Variants in TRAPPC9 observed in about 807,000 individuals in gnomAD.
TRAPPC9 encodes the protein trafficking protein particle complex subunit 9, also known as IKK2 binding protein.
TRAPPC9 carries 83 observed loss-of-function variants against 124.0 expected under a neutral mutation model. That is an observed-to-expected ratio of 0.67 (90% CI 0.56 to 0.80). TRAPPC9 has a LOEUF of 0.80. TRAPPC9 is among the 30% of genes least tolerant of loss of function. The pLI is 0.00. For synonymous variants in TRAPPC9, 638 were observed against 617.5 expected (o/e 1.03, Z -0.49); for missense variants, 1,302 against 1,508.3 (o/e 0.86, Z 2.27).
At chr8:139,843,613 G>A (rs1224261013) in intron 21 of TRAPPC9, among the ~76,000 whole-genome samples, 2 of 152,198 alleles carry the variant, frequency 1.3e-5, no homozygotes, top group Non-Finnish European at 2.9e-5. Context: ...AAAAGTGAAA[G>A]AGAGAGGTAG....
At chr8:140,096,447 T>C (rs1229672054) in intron 17 of TRAPPC9, 1 of 152,166 alleles carries the variant, frequency 6.6e-6, no homozygotes, top group East Asian at 1.9e-4. Context: ...TGGAACCCAG[T>C]TAGGAAATTA....
intron 17 of TRAPPC9, among the ~76,000 whole-genome samples, chr8:140,124,743 G>A (rs58600657): frequency 0.085 from 12,943 of 152,188 alleles, 1,463 homozygotes; most frequent in African/African-American, 0.26. Context: ...AATCACTCTC[G>A]AAGTCTGAAG....
chr8:140,016,593 T>C (rs373201332), intron 18 of TRAPPC9, among the ~76,000 whole-genome samples: 108 of 152,354 alleles, frequency 7.1e-4, no homozygotes, highest in African/African-American at 1.9e-3. Context: ...ATCGTAACTT[T>C]GTGCTGACCC....
intron 21 of TRAPPC9, among the ~76,000 whole-genome samples, chr8:139,823,561 C>A (rs1459937917): frequency 6.6e-6 from 1 of 152,186 alleles, no homozygotes; most frequent in African/African-American, 2.4e-5. Flanking sequence ...CCAGCAGATG[C>A]CCCTGTTTAT....
At chr8:140,111,185 T>C (rs1309621048) in intron 17 of TRAPPC9, among the ~76,000 whole-genome samples, 2 of 151,386 alleles carry the variant, frequency 1.3e-5, no homozygotes, top group Non-Finnish European at 2.9e-5. Flanking sequence ...GACTGATACA[T>C]CCATTAAAAG....
chr8:140,222,339 T>G (rs1429457452), intron 16 of TRAPPC9, among the ~76,000 whole-genome samples: 1 of 152,126 alleles, frequency 6.6e-6, no homozygotes, highest in Non-Finnish European at 1.5e-5. Flanking sequence ...GATTGACGGG[T>G]CTAACCCACG....
At chr8:140,338,138 AGCC>A (rs575577405) in intron 9 of TRAPPC9, among the ~76,000 whole-genome samples, 31 of 152,350 alleles carry the variant, frequency 2.0e-4, no homozygotes, top group South Asian at 1.5e-3. Flanking sequence ...TTTAAATGAC[AGCC>A]AGAAAAGTCT....
intron 17 of TRAPPC9, among the ~76,000 whole-genome samples, chr8:140,180,512 A>G (rs1391943030): frequency 1.3e-5 from 2 of 152,026 alleles, no homozygotes; most frequent in African/African-American, 4.8e-5. Context: ...TATTTCTACC[A>G]TTTCTAATAC....
At chr8:140,148,311 G>C (rs866645109) in intron 17 of TRAPPC9, among the ~76,000 whole-genome samples, 9 of 152,168 alleles carry the variant, frequency 5.9e-5, no homozygotes, top group Admixed American at 2.6e-4. Flanking sequence ...TCATTCACGG[G>C]AGTAAACCAC....
At chr8:139,839,318 C>CG (rs990454823) in intron 21 of TRAPPC9, among the ~76,000 whole-genome samples, 2 of 152,156 alleles carry the variant, frequency 1.3e-5, no homozygotes, top group African/African-American at 4.8e-5. Flanking sequence ...AATGAGACAC[C>CG]GGGGGCTGGG....
At chr8:139,794,165 C>A (rs535856565) in intron 21 of TRAPPC9, among the ~76,000 whole-genome samples, 3 of 152,286 alleles carry the variant, frequency 2.0e-5, no homozygotes, top group African/African-American at 7.2e-5. Context: ...CTGCCCCGTG[C>A]CACCTGCCCC....
At chr8:140,191,038 C>G (rs1183442563) in intron 17 of TRAPPC9, among the ~76,000 whole-genome samples, 1 of 152,100 alleles carries the variant, frequency 6.6e-6, no homozygotes, top group Admixed American at 6.5e-5. Context: ...TCGGAGAGGC[C>G]AGATTAGGAG....
At chr8:140,361,838 C>T (rs776771190) in intron 8 of TRAPPC9, among the ~76,000 whole-genome samples, 6 of 152,142 alleles carry the variant, frequency 3.9e-5, no homozygotes, top group Non-Finnish European at 8.8e-5. Context: ...TGAGACTGGG[C>T]GCTCGGCTGA....
intron 17 of TRAPPC9, among the ~76,000 whole-genome samples, chr8:140,070,767 C>A (rs1843118113): frequency 6.6e-6 from 1 of 152,218 alleles, no homozygotes; most frequent in Non-Finnish European, 1.5e-5. Flanking sequence ...CTCCATAGAG[C>A]CACACATGAT....
chr8:139,857,026 C>T (rs1021160190), intron 21 of TRAPPC9, among the ~76,000 whole-genome samples: 11 of 151,100 alleles, frequency 7.3e-5, no homozygotes, highest in South Asian at 6.5e-4. Context: ...ACGGGACAGT[C>T]GGGACGCCCT....
intron 18 of TRAPPC9, among the ~76,000 whole-genome samples, chr8:139,989,347 G>A (rs954846041): frequency 6.6e-6 from 1 of 152,204 alleles, no homozygotes; most frequent in Admixed American, 6.5e-5. Context: ...CTTCTCCCAT[G>A]CGGGCACCTC....
intron 9 of TRAPPC9, among the ~76,000 whole-genome samples, chr8:140,321,768 G>T (rs1321396641): frequency 6.6e-6 from 1 of 152,218 alleles, no homozygotes; most frequent in East Asian, 1.9e-4. Flanking sequence ...AGAGGGCAAC[G>T]TGCAGTACAC....
intron 19 of TRAPPC9, among the ~76,000 whole-genome samples, chr8:139,935,134 G>A (rs76941096): frequency 0.16 from 23,693 of 152,176 alleles, 2,097 homozygotes; most frequent in South Asian, 0.25. Context: ...ATCACCGTGC[G>A]AGAGAAGGTG....
In TRAPPC9 at chr8:140,128,420, G is replaced by A. The variant is rs139285857; in HGVS notation, c.2556+93039C>T. Among the ~76,000 whole-genome samples the A allele has an allele frequency of 7.2e-5, 11 of 152,366 alleles. No homozygotes were observed. In the East Asian group the frequency reaches 2.1e-3, roughly 29 times the overall value. On this transcript the variant is annotated intron_variant, in intron 17 of 22. Coordinates refer to ENST00000438773, the MANE Select transcript of TRAPPC9 (RefSeq NM_001160372.4). ...CACCCTGTGCCCAGCCAGAATGGAG[G>A]CTGCATACAAGAAGCAGTGACTAAT... is the stretch of plus-strand genomic sequence containing the variant.
Sources: allele counts gnomAD v4.1 joint callset (sites outside exome capture counted in the v4.1 genomes callset), GRCh38; gene constraint gnomAD v4.1.1; transcripts MANE v1.5; gene names NCBI Gene and HGNC (gene_info 2026-07-23, HGNC 2026-07-21).